The following HAO2 variants were observed in gnomAD, a reference collection of about 807,000 sequenced individuals.
The protein encoded by HAO2 is 2-Hydroxyacid oxidase 2.
In HAO2, 42 loss-of-function variants were observed where a neutral mutation model predicts 37.4. The ratio of observed to expected loss-of-function variants is 1.12; its 90% CI spans 0.88 to 1.45. The LOEUF is 1.45. Among genes scored for constraint, HAO2 ranks in the 40% most tolerant of loss-of-function variants. HAO2 has a pLI of 0.00. For missense variants in HAO2, 476 were observed against 430.2 expected (o/e 1.11, Z -0.94); for synonymous variants, 180 against 162.8 (o/e 1.11, Z -0.81).
At chr1:119,392,593 C>A in intron 6 of HAO2, 25 bp from the exon 7 acceptor site, 1 of 1,518,542 alleles carries the variant, frequency 6.6e-7, no homozygotes, top group Non-Finnish European at 9.1e-7. Context: ...CTCTTTGTGT[C>A]TCTGTCTGTC....
chr1:119,380,711 A>G (rs1314878671), intron 1 of HAO2: 3 of 1,601,490 alleles, frequency 1.9e-6, no homozygotes, highest in Non-Finnish European at 1.7e-6. Context: ...CAAGATGTGG[A>G]GTGAATGTGA....
chr1:119,375,956 G>C (rs1420888655), intron 1 of HAO2, among the ~76,000 whole-genome samples: 5 of 152,008 alleles, frequency 3.3e-5, no homozygotes, highest in Non-Finnish European at 7.4e-5. Context: ...GGTTTGGTTG[G>C]GGACACAGCC....
chr1:119,393,791 G>C lies in HAO2; in HGVS notation c.1007G>C (p.Arg336Pro), dbSNP rs201600052. The change falls in exon 8 of 8, where the codon CGG becomes CCG. Residue 336 changes from arginine to proline, a missense_variant. By Grantham distance (103) the Arg-to-Pro change is moderately radical. Coordinates refer to ENST00000325945, the MANE Select transcript of HAO2 (RefSeq NM_016527.4). ...FHTSMALTGC[R>P]SVAEINRNLV... ...AACCACATTGTTCTTTTAGGCTGCC[G>C]GTCGGTCGCTGAGATCAATCGAAAC... 4 of 1,613,034 alleles carry C rather than the reference G, an allele frequency of 2.5e-6. No homozygotes were observed. Among genetic ancestry groups the C allele is most frequent in the Non-Finnish European group, 3.4e-6 (4 of 1,179,244 alleles).
chr1:119,380,663 C>A (rs781335245), intron 1 of HAO2: 24 of 1,566,458 alleles, frequency 1.5e-5, no homozygotes, highest in Non-Finnish European at 1.8e-5. Context: ...CATGATCAGC[C>A]TTGAACTTTA....
At chr1:119,388,492 C>A (rs903167328) in intron 5 of HAO2, among the ~76,000 whole-genome samples, 9 of 152,136 alleles carry the variant, frequency 5.9e-5, no homozygotes, top group African/African-American at 2.2e-4. Flanking sequence ...GAGAATTTCT[C>A]CTATCTTATT....
intron 1 of HAO2, among the ~76,000 whole-genome samples, chr1:119,378,990 T>C (rs911489285): frequency 6.6e-6 from 1 of 152,158 alleles, no homozygotes; most frequent in African/African-American, 2.4e-5. Flanking sequence ...GAGGAACAAA[T>C]AGTCGAGGCT....
Position 119,391,747 on chromosome 1 carries a change from CAG to C in HAO2, c.772-356_772-355del, listed in dbSNP as rs202222888. Among the ~76,000 whole-genome samples, 1,162 of 152,174 alleles carry C rather than the reference CAG, an allele frequency of 7.6e-3. 15 individuals carry two copies. Among genetic ancestry groups the C allele is most frequent in the African/African-American group, 0.027 (1,128 of 41,512 alleles). ...CTTTCTAGTTGTGCCACCCTAGAAA[CAG>C]AGAGAGTAGAAGAAAATCAAAAGTC... is the stretch of plus-strand genomic sequence containing the variant. On this transcript the variant is annotated intron_variant, in intron 5 of 7. Transcript: ENST00000325945.
At chr1:119,390,627 GATA>G (rs1278534315) in intron 5 of HAO2, among the ~76,000 whole-genome samples, 1 of 152,198 alleles carries the variant, frequency 6.6e-6, no homozygotes, top group Non-Finnish European at 1.5e-5. Flanking sequence ...CAGTGGAGTT[GATA>G]ATAATTGTGA....
intron 7 of HAO2, among the ~76,000 whole-genome samples, chr1:119,393,022 T>G (rs754108358): frequency 8.5e-5 from 13 of 152,196 alleles, no homozygotes. Context: ...AACTCTTTTC[T>G]ATGCTTCCAC....
At chr1:119,378,381 T>C (rs1649648797) in intron 1 of HAO2, among the ~76,000 whole-genome samples, 1 of 152,168 alleles carries the variant, frequency 6.6e-6, no homozygotes, top group African/African-American at 2.4e-5. Flanking sequence ...ATAGGAGCTA[T>C]AATTCAAGAA....
chr1:119,386,860 T>G (rs1650426033), intron 5 of HAO2, 29 bp downstream of exon 5: 1 of 1,358,358 alleles, frequency 7.4e-7, no homozygotes, highest in Non-Finnish European at 1.1e-6. Flanking sequence ...GAGAAGGGTG[T>G]GTTTGTGAGT....
At position 119,392,624 on chromosome 1, in the gene HAO2, C is replaced by T; in HGVS notation, c.937C>T (p.His313Tyr). 6.2e-7 allele frequency: 1 copy of T among 1,604,700 alleles called. No individual in the cohort carries two copies. The highest frequency in any genetic ancestry group is 8.5e-7 in the Non-Finnish European group (1 of 1,171,604). ...ILWGLACKGE[H>Y]GVKEVLNILT... ...CTGTCTGCCTCGGGAGCAGGGTGAA[C>T]ATGGTGTTAAGGAAGTTTTGAACAT... is the stretch of plus-strand genomic sequence containing the variant. Residue 313 changes from histidine to tyrosine, a missense_variant, in exon 7 of 8, where the codon CAT (histidine) becomes TAT (tyrosine). By Grantham distance (83) the His-to-Tyr change is moderately conservative. Coordinates refer to ENST00000325945, the MANE Select transcript of HAO2 (RefSeq NM_016527.4).
intron 5 of HAO2, among the ~76,000 whole-genome samples, chr1:119,390,293 C>G (rs1650775050): frequency 6.6e-6 from 1 of 152,090 alleles, no homozygotes; most frequent in East Asian, 1.9e-4. Flanking sequence ...CTCTTGTCAC[C>G]CACGCTGGAG....
In HAO2 at chr1:119,386,650, C is replaced by T. The variant is rs140054426; in HGVS notation, c.590C>T (p.Thr197Ile). ...AATGCAATACCTTATTTCCAGATGA[C>T]TCCTATCAGCACTTCTCTCTGCTGG... ...KGNAIPYFQM[T>I]PISTSLCWND... The change falls in exon 5 of 8, where the codon ACT becomes ATT. Residue 197 changes from threonine (T) to isoleucine (I), a missense_variant. Transcript: ENST00000325945. 319 of 1,610,574 alleles carry T rather than the reference C, an allele frequency of 2.0e-4. No individual in the cohort carries two copies. The highest frequency in any genetic ancestry group is 2.5e-4 in the Non-Finnish European group (297 of 1,176,948).
chr1:119,376,025 C>T (rs587719596), intron 1 of HAO2, among the ~76,000 whole-genome samples: 3 of 152,284 alleles, frequency 2.0e-5, no homozygotes, highest in South Asian at 4.1e-4. Flanking sequence ...ATTTCAAAAC[C>T]AATCATGCCT....
chr1:119,392,097 A>G lies in HAO2; in HGVS notation c.772-13A>G. 6.2e-7 allele frequency: 1 copy of G among 1,608,664 alleles called. No homozygotes were observed. The highest frequency in any genetic ancestry group is 8.5e-7 in the Non-Finnish European group (1 of 1,177,058). On this transcript the variant is annotated splice_polypyrimidine_tract_variant and intron_variant, in intron 5 of 7. Coordinates refer to ENST00000325945, the MANE Select transcript of HAO2 (RefSeq NM_016527.4). The stretch of plus-strand genomic sequence containing the variant: ...ATAGAAAGCCCTCCAGCCCATGTGT[A>G]TCTCCTTTTCAGATTGATGCTTTGA...
chr1:119,379,723 C>A (rs904916549), intron 1 of HAO2, among the ~76,000 whole-genome samples: 1 of 152,148 alleles, frequency 6.6e-6, no homozygotes, highest in Non-Finnish European at 1.5e-5. Flanking sequence ...CATCTAGAGC[C>A]CAATGCACTT....
chr1:119,377,042 C>A (rs1649530019), intron 1 of HAO2, among the ~76,000 whole-genome samples: 1 of 152,194 alleles, frequency 6.6e-6, no homozygotes, highest in East Asian at 1.9e-4. Flanking sequence ...ATTGGTTTTT[C>A]TTTTCTATCA....
intron 2 of HAO2, 139 bp from the exon 3 acceptor site, chr1:119,382,776 C>A: frequency 1.4e-6 from 1 of 699,376 alleles, no homozygotes; most frequent in Non-Finnish European, 2.4e-6. Flanking sequence ...CAGCTCTCAG[C>A]CAACTGAACC....
Sources: gnomAD v4.1 joint callset for allele counts (sites outside exome capture counted in the v4.1 genomes callset) on GRCh38, gnomAD v4.1.1 for gene constraint, MANE v1.5 for transcripts, NCBI Gene and HGNC (gene_info 2026-07-23, HGNC 2026-07-21) for gene names.